The following TOGARAM2 variants were observed in gnomAD, a reference collection of about 807,000 sequenced individuals.
TOGARAM2 encodes the protein TOG array regulator of axonemal microtubules protein 2.
TOGARAM2 carries 85 observed loss-of-function variants against 93.3 expected under a neutral mutation model. That is an observed-to-expected ratio of 0.91 (90% CI 0.76 to 1.09). TOGARAM2 has a LOEUF of 1.09. Among genes scored for constraint, TOGARAM2 ranks in the 50% least tolerant of loss-of-function variants. The pLI is 0.00. For missense variants in TOGARAM2, 1,277 were observed against 1,334.5 expected, an observed-to-expected ratio of 0.96 and a Z score of 0.67; for synonymous variants, 593 against 552.8, an observed-to-expected ratio of 1.07 and a Z score of -1.02.
At chr2:29,043,476 G>A (rs762754190) in intron 18 of TOGARAM2, among the ~76,000 whole-genome samples, 3 of 152,154 alleles carry the variant, frequency 2.0e-5, no homozygotes, top group Non-Finnish European at 1.5e-5. Flanking sequence ...AGACTTCCTC[G>A]TGCAGAACTC....
At chr2:28,973,440 C>CCTTCTTTGCTTCTTTCCTCCCTTTCTT (rs767123404) in intron 1 of TOGARAM2, among the ~76,000 whole-genome samples, 6 of 38,338 alleles carry the variant, frequency 1.6e-4, no homozygotes, top group African/African-American at 5.1e-4. Flanking sequence ...TCCTTCCCTT[C>CCTTCTTTGCTTCTTTCCTCCCTTTCTT]CCCTTCCTTC....
At chr2:28,965,255 G>T (rs1004390858) in intron 1 of TOGARAM2, among the ~76,000 whole-genome samples, 1 of 152,178 alleles carries the variant, frequency 6.6e-6, no homozygotes, top group Non-Finnish European at 1.5e-5. Context: ...GTATTTTCAT[G>T]TAGTTTAGTT....
At chr2:28,958,498 G>T (rs1218608559) in intron 1 of TOGARAM2, among the ~76,000 whole-genome samples, 1 of 152,038 alleles carries the variant, frequency 6.6e-6, no homozygotes, top group Non-Finnish European at 1.5e-5. Flanking sequence ...TAGAGTTGGG[G>T]TCTTGCTAAG....
At chr2:29,021,685 C>T (rs1664954004) in intron 10 of TOGARAM2, among the ~76,000 whole-genome samples, 1 of 152,150 alleles carries the variant, frequency 6.6e-6, no homozygotes, top group African/African-American at 2.4e-5. Flanking sequence ...TGGGCAACCT[C>T]ACAAAAGGCT....
At chr2:28,980,185 C>T (rs1269957372), upstream of TOGARAM2, among the ~76,000 whole-genome samples, 1 of 152,236 alleles carries the variant, frequency 6.6e-6, no homozygotes, top group Admixed American at 6.5e-5. Context: ...GGGGCCAGCA[C>T]CTGCCCCAGA....
intron 14 of TOGARAM2, among the ~76,000 whole-genome samples, chr2:29,032,339 A>G (rs1252037598): frequency 2.6e-5 from 4 of 152,136 alleles, no homozygotes; most frequent in Non-Finnish European, 5.9e-5. Context: ...CCTCCGACGT[A>G]TCCCAAATCC....
At chr2:29,039,065 T>C (rs886159751) in intron 18 of TOGARAM2, among the ~76,000 whole-genome samples, 1 of 151,986 alleles carries the variant, frequency 6.6e-6, no homozygotes, top group Non-Finnish European at 1.5e-5. Flanking sequence ...TCCCAGGGGA[T>C]TGGGTGATAG....
chr2:29,001,576 C>T (rs975220506), intron 4 of TOGARAM2, among the ~76,000 whole-genome samples: 1 of 151,922 alleles, frequency 6.6e-6, no homozygotes, highest in Admixed American at 6.6e-5. Flanking sequence ...TCTCGGCTCA[C>T]CGCAACCTCC....
At position 29,045,403 on chromosome 2, in the gene TOGARAM2, C is replaced by T; in HGVS notation, c.2715C>T (p.Arg905=). 3 of 1,613,236 alleles carry T rather than the reference C, an allele frequency of 1.9e-6. No homozygotes were observed. Among genetic ancestry groups the T allele is most frequent in the Non-Finnish European group, 2.5e-6 (3 of 1,179,862 alleles). Residue 905 remains arginine, a synonymous_variant, in exon 19 of 20, where the codon CGC becomes CGT. Coordinates refer to ENST00000379558, the MANE Select transcript of TOGARAM2 (RefSeq NM_199280.4). The stretch of plus-strand genomic sequence containing the variant: ...GTGCGGTGCTGGATGTCACAGATCG[C>T]CTGGCAGGTGAGCACCCCCAGCCCC... ...SGRAVLDVTD[R]LAVLVASVYP... is the part of the protein sequence containing the mutation.
intron 18 of TOGARAM2, among the ~76,000 whole-genome samples, chr2:29,042,422 T>A (rs933943929): frequency 9.2e-5 from 14 of 152,142 alleles, no homozygotes; most frequent in Admixed American, 5.2e-4. Context: ...GGAGAGGGGA[T>A]GTTTGGGGCC....
chr2:28,957,353 G>C (rs556025792), intron 1 of TOGARAM2, among the ~76,000 whole-genome samples: 4 of 151,962 alleles, frequency 2.6e-5, no homozygotes, highest in African/African-American at 9.7e-5. Context: ...GCTCATTTTT[G>C]TATTTTTAGT....
At chr2:29,011,337 C>G (rs553609460) in intron 6 of TOGARAM2, 118 bp from the exon 7 acceptor site, 2 of 788,656 alleles carry the variant, frequency 2.5e-6, no homozygotes, top group East Asian at 5.8e-5. Context: ...ATAACAGTGC[C>G]GTCCCCTCTG....
chr2:29,026,719 C>T, intron 13 of TOGARAM2, 134 bp from the exon 14 acceptor site: 2 of 969,402 alleles, frequency 2.1e-6, no homozygotes, highest in Non-Finnish European at 2.9e-6. Flanking sequence ...CCTCAGCTCA[C>T]ATGGGGACAG....
At chr2:29,011,742 G>A (rs967128211) in intron 7 of TOGARAM2, among the ~76,000 whole-genome samples, 8 of 152,156 alleles carry the variant, frequency 5.3e-5, no homozygotes, top group Non-Finnish European at 8.8e-5. Flanking sequence ...GTGTGATGAC[G>A]TACACCAGCT....
At chr2:29,042,321 T>G (rs1200901201) in intron 18 of TOGARAM2, among the ~76,000 whole-genome samples, 2 of 152,266 alleles carry the variant, frequency 1.3e-5, no homozygotes, top group African/African-American at 2.4e-5. Context: ...ACCTGCAGTG[T>G]GCTGTGCACC....
At position 29,047,577 on chromosome 2, in the gene TOGARAM2, C is replaced by T. The variant is rs924699761; in HGVS notation, c.2722+2167C>T. On this transcript the variant is annotated intron_variant, in intron 19 of 19. Transcript: ENST00000379558. Reference sequence around the variant, plus strand: ...GCTTCTAAGCTTGAGTTTAATGGGGCTTGCTCCCGCATGCTGGCCCCCAGA... The same window carrying T: ...GCTTCTAAGCTTGAGTTTAATGGGGTTTGCTCCCGCATGCTGGCCCCCAGA... The T allele has an allele frequency of 2.0e-5, 3 of 152,214 alleles. No individual in the cohort carries two copies. In the East Asian group the frequency reaches 5.8e-4, roughly 29 times the overall value. 9.4% of individuals were successfully genotyped at this position (152,214 alleles called of 1,614,324 possible).
upstream of TOGARAM2, among the ~76,000 whole-genome samples, chr2:28,976,978 G>T (rs1049149660): frequency 1.3e-5 from 2 of 152,168 alleles, no homozygotes; most frequent in Non-Finnish European, 2.9e-5. Context: ...TCAGTCTGGA[G>T]GCAGTGCCAG....
intron 8 of TOGARAM2, among the ~76,000 whole-genome samples, chr2:29,016,176 G>A (rs755226456): frequency 7.9e-5 from 12 of 152,206 alleles, no homozygotes; most frequent in Middle Eastern, 3.4e-3. Context: ...CACCTCGGGC[G>A]TCCTTGGCTC....
rs557040141 is a variant in TOGARAM2 at position 28,999,269 on chromosome 2, GCTGGACACCC to G, written c.231_240del (p.Asp78ProfsTer89). ...GACTCGGACAGCTGGGTGGCCTCAA[GCTGGACACCC>G]CTTCCAAGGGCTGGCAGGCAAGGAA... On this transcript the variant is annotated frameshift_variant, in exon 4 of 20. Coordinates refer to ENST00000379558, the MANE Select transcript of TOGARAM2 (RefSeq NM_199280.4). LOFTEE classifies it high-confidence loss of function. 2.2e-3 allele frequency: 3,514 copies of G among 1,613,876 alleles called. 10 individuals carry two copies. The highest frequency in any genetic ancestry group is 2.7e-3 in the Non-Finnish European group (3,232 of 1,179,820).
Sources: allele counts gnomAD v4.1 joint callset (sites outside exome capture counted in the v4.1 genomes callset), GRCh38; gene constraint gnomAD v4.1.1; transcripts MANE v1.5; gene names NCBI Gene and HGNC (gene_info 2026-07-23, HGNC 2026-07-21).